The following ZNF385D variants were observed in gnomAD, a reference collection of about 807,000 sequenced individuals.
The protein encoded by ZNF385D is zinc finger protein 385D, also known as zinc finger protein 659.
ZNF385D carries 15 observed loss-of-function variants against 35.8 expected under a neutral mutation model. The ratio of observed to expected loss-of-function variants is 0.42; its 90% CI spans 0.28 to 0.64. The LOEUF (loss-of-function observed/expected upper bound fraction) is 0.64, where lower values mean the gene tolerates loss of function less well. Among genes scored for constraint, ZNF385D ranks in the 30% least tolerant of loss-of-function variants. ZNF385D has a pLI of 0.23. For synonymous variants in ZNF385D, 212 were observed against 186.8 expected, an observed-to-expected ratio of 1.13 and a Z score of -1.10; for missense variants, 474 against 494.6, an observed-to-expected ratio of 0.96 and a Z score of 0.39.
intron 2 of ZNF385D, among the ~76,000 whole-genome samples, chr3:22,261,911 A>G (rs1223366313): frequency 6.6e-6 from 1 of 151,450 alleles, no homozygotes; most frequent in Non-Finnish European, 1.5e-5. Context: ...ATGTATCTTA[A>G]CCTTTTTTTG....
intron 3 of ZNF385D, among the ~76,000 whole-genome samples, chr3:22,047,764 G>A (rs373594024): frequency 9.2e-5 from 14 of 152,240 alleles, no homozygotes; most frequent in Admixed American, 5.9e-4. Context: ...TGTATACCCA[G>A]AAGTGGGATT....
rs147701983 is a variant in ZNF385D at position 21,998,633 on chromosome 3, T to C, written c.325+170184A>G. Among the ~76,000 whole-genome samples, 1,023 of 152,370 alleles carry C rather than the reference T, an allele frequency of 6.7e-3. 10 individuals carry two copies. Among genetic ancestry groups the C allele is most frequent in the Non-Finnish European group, 0.011 (739 of 68,040 alleles). On this transcript the variant is annotated intron_variant, in intron 3 of 5. Transcript: ENST00000494108. ...ACTAGCCCAGCCAAGAGATTTGTTA[T>C]TAGTGTGTTAATAACAAGAACATAT... is the stretch of plus-strand genomic sequence containing the variant.
chr3:21,732,945 C>A (rs1187144210), intron 1 of ZNF385D, among the ~76,000 whole-genome samples: 1 of 152,186 alleles, frequency 6.6e-6, no homozygotes, highest in African/African-American at 2.4e-5. Context: ...CTTGGCATTG[C>A]ATCTAAAAGG....
At chr3:22,280,862 T>A (rs1279799944) in intron 2 of ZNF385D, among the ~76,000 whole-genome samples, 1 of 151,868 alleles carries the variant, frequency 6.6e-6, no homozygotes, top group Non-Finnish European at 1.5e-5. Flanking sequence ...GGCATTATGG[T>A]CATTTTCACG....
intron 2 of ZNF385D, among the ~76,000 whole-genome samples, chr3:21,628,707 G>A (rs987137059): frequency 4.6e-5 from 7 of 151,982 alleles, no homozygotes; most frequent in Admixed American, 3.9e-4. Flanking sequence ...CAAAATTCTG[G>A]CTTGGTAAGT....
At chr3:21,955,486 C>A (rs1702242265) in intron 3 of ZNF385D, among the ~76,000 whole-genome samples, 1 of 152,074 alleles carries the variant, frequency 6.6e-6, no homozygotes, top group South Asian at 2.1e-4. Context: ...ATTTCTTAAG[C>A]TTCTGATGCA....
chr3:21,489,781 A>T (rs1372391890), intron 4 of ZNF385D, among the ~76,000 whole-genome samples: 1 of 152,110 alleles, frequency 6.6e-6, no homozygotes, highest in Non-Finnish European at 1.5e-5. Context: ...CTAGAAGTCT[A>T]GGAAGTTCCT....
chr3:21,564,312 A>G (rs1163133160), intron 3 of ZNF385D, among the ~76,000 whole-genome samples: 1 of 152,152 alleles, frequency 6.6e-6, no homozygotes, highest in Non-Finnish European at 1.5e-5. Context: ...ACCATTCCCA[A>G]AAGACTAAAA....
intron 3 of ZNF385D, among the ~76,000 whole-genome samples, chr3:21,563,063 T>C (rs2063012200): frequency 6.6e-6 from 1 of 151,934 alleles, no homozygotes; most frequent in East Asian, 1.9e-4. Flanking sequence ...GGAAAATTCA[T>C]ATGTTGAGAT....
intron 3 of ZNF385D, among the ~76,000 whole-genome samples, chr3:21,948,991 G>T (rs1040661113): frequency 6.6e-6 from 1 of 151,996 alleles, no homozygotes; most frequent in Non-Finnish European, 1.5e-5. Context: ...ATTGGGTTTT[G>T]CAGTATTTCA....
chr3:21,957,861 C>T (rs545888190), intron 3 of ZNF385D, among the ~76,000 whole-genome samples: 1 of 152,242 alleles, frequency 6.6e-6, no homozygotes, highest in Admixed American at 6.5e-5. Flanking sequence ...CACCACCATT[C>T]ATCTACTAGT....
chr3:21,685,927 G>A (rs2125328231), intron 1 of ZNF385D, among the ~76,000 whole-genome samples: 1 of 152,260 alleles, frequency 6.6e-6, no homozygotes, highest in Middle Eastern at 3.4e-3. Flanking sequence ...GACAATCAGA[G>A]CAGGGAGAAT....
intron 2 of ZNF385D, among the ~76,000 whole-genome samples, chr3:22,271,453 C>T (rs1701172278): frequency 6.6e-6 from 1 of 151,826 alleles, no homozygotes; most frequent in South Asian, 2.1e-4. Context: ...AGAAAACAAA[C>T]CTAACTGCAT....
intron 1 of ZNF385D, among the ~76,000 whole-genome samples, chr3:21,681,707 A>AAAACC (rs1553636536): frequency 2.0e-4 from 30 of 151,096 alleles, no homozygotes; most frequent in Middle Eastern, 3.4e-3. Context: ...CGAAAAAAAA[A>AAAACC]AAACAAACAA....
chr3:21,605,528 CAG>C (rs772176377), intron 2 of ZNF385D, among the ~76,000 whole-genome samples: 3 of 152,096 alleles, frequency 2.0e-5, no homozygotes, highest in Non-Finnish European at 4.4e-5. Flanking sequence ...GGTAGAAAGA[CAG>C]AGGTGGCGTA....
chr3:21,513,840 C>T (rs566353797), intron 3 of ZNF385D, among the ~76,000 whole-genome samples: 3 of 152,152 alleles, frequency 2.0e-5, no homozygotes, highest in East Asian at 3.9e-4. Flanking sequence ...TCTATAGTGA[C>T]GCCATAACTC....
rs574301553 is a variant in ZNF385D, at chr3:21,928,255, GAAGA to G, written c.325+240558_325+240561del. ...GGACAGACGGAAGGAAGAAAGGAAGGAAGAAGGAAGGAAGGAAGGAAGAGAGGAA... is the reference window on the plus strand; with the variant it reads ...GGACAGACGGAAGGAAGAAAGGAAGGAGGAAGGAAGGAAGGAAGAGAGGAA... On this transcript the variant is annotated intron_variant, in intron 3 of 5. Transcript: ENST00000494108. 5.8e-3 allele frequency among the ~76,000 whole-genome samples: 749 copies of G among 129,028 alleles called. 10 individuals are homozygous for G. Among genetic ancestry groups the G allele is most frequent in the African/African-American group, 0.02 (714 of 35,894 alleles). The allele number at this position is 129,028 out of a possible 152,430, so 84.6% of individuals were successfully genotyped here. A position where few individuals can be genotyped will look rare whatever the true frequency, so the allele number is the denominator to read the frequency against.
intron 2 of ZNF385D, among the ~76,000 whole-genome samples, chr3:22,348,679 A>G (rs557394694): frequency 4.8e-5 from 7 of 145,618 alleles, no homozygotes; most frequent in East Asian, 4.4e-4. Flanking sequence ...AGAAAGAAAG[A>G]AAGGAAGGGA....
Position 21,693,879 on chromosome 3 carries a change from TTTC to T in ZNF385D, c.23-28854_23-28852del, listed in dbSNP as rs1248522227. Reference sequence around the variant, plus strand: ...GAAATCTTTTTAGAAAATCTTTTTTTTTCTTTTTTTTTTTTTTTTGAGACGGAG... The same window carrying T: ...GAAATCTTTTTAGAAAATCTTTTTTTTTTTTTTTTTTTTTTTGAGACGGAG... On this transcript the variant is annotated intron_variant, in intron 1 of 7. Transcript: ENST00000281523. 6.6e-4 allele frequency among the ~76,000 whole-genome samples: 97 copies of T among 146,814 alleles called. 1 individual carries two copies. The highest frequency in any genetic ancestry group is 2.8e-3 in the East Asian group (14 of 4,998).
Sources: gnomAD v4.1 joint callset for allele counts (sites outside exome capture counted in the v4.1 genomes callset) on GRCh38, gnomAD v4.1.1 for gene constraint, MANE v1.5 for transcripts, NCBI Gene and HGNC (gene_info 2026-07-23, HGNC 2026-07-21) for gene names.